Variants in ATP13A3 observed in about 807,000 individuals in gnomAD.
ATP13A3 encodes the protein polyamine-transporting ATPase 13A3.
ATP13A3 carries 59 observed loss-of-function variants against 158.1 expected under a neutral mutation model. That is an observed-to-expected ratio of 0.37 (90% confidence interval 0.30 to 0.46). The LOEUF (loss-of-function observed/expected upper bound fraction) is 0.46, where lower values mean the gene tolerates loss of function less well. Ranked by LOEUF, ATP13A3 falls within the 20% of genes least tolerant of loss-of-function variation. The pLI is 1.00. For synonymous variants in ATP13A3, 491 were observed against 504.3 expected, an observed-to-expected ratio of 0.97 and a Z score of 0.35; for missense variants, 1,166 against 1,525.2, an observed-to-expected ratio of 0.76 and a Z score of 3.92.
At chr3:194,417,767 C>T (rs895813521) in intron 31 of ATP13A3, among the ~76,000 whole-genome samples, 4 of 151,784 alleles carry the variant, frequency 2.6e-5, no homozygotes, top group African/African-American at 9.7e-5. Flanking sequence ...AGTGAAACCC[C>T]ATTACAAACC....
At chr3:194,414,742 G>T (rs1010923727) in intron 31 of ATP13A3, among the ~76,000 whole-genome samples, 3 of 152,148 alleles carry the variant, frequency 2.0e-5, no homozygotes, top group South Asian at 4.1e-4. Flanking sequence ...GCACACTTCT[G>T]ACTTGAATAA....
intron 28 of ATP13A3, among the ~76,000 whole-genome samples, chr3:194,428,231 AAAAAAAG>A (rs1553797766): frequency 1.3e-4 from 18 of 141,818 alleles, no homozygotes; most frequent in African/African-American, 4.8e-4. Context: ...AAAAAAAAAA[AAAAAAAG>A]AAAAAAAGAA....
chr3:194,473,986 C>A (rs1418556811), intron 2 of ATP13A3, among the ~76,000 whole-genome samples: 1 of 152,104 alleles, frequency 6.6e-6, no homozygotes, highest in African/African-American at 2.4e-5. Flanking sequence ...AAGATACACA[C>A]CAAACTGTTA....
intron 20 of ATP13A3, among the ~76,000 whole-genome samples, chr3:194,436,544 T>C (rs1178409185): frequency 2.6e-5 from 4 of 152,222 alleles, no homozygotes; most frequent in African/African-American, 9.6e-5. Flanking sequence ...ATTAACAAAT[T>C]GAAAACAGTT....
At chr3:194,436,998 A>G (rs1717690517) in intron 20 of ATP13A3, 97 bp downstream of exon 20, 5 of 1,371,668 alleles carry the variant, frequency 3.6e-6, no homozygotes, top group African/African-American at 1.5e-5. Flanking sequence ...CTTTTCATAC[A>G]TTCAATAAAT....
chr3:194,462,200 GGATT>G lies in ATP13A3; in HGVS notation c.-14_-11del, dbSNP rs747456727. 6.2e-7 allele frequency: 1 copy of G among 1,612,960 alleles called. No homozygotes were observed. The highest frequency in any genetic ancestry group is 1.1e-5 in the South Asian group (1 of 91,036). On this transcript the variant is annotated 5_prime_UTR_variant, in exon 3 of 34. Transcript: ENST00000645319. ...TTTCTTCCCTGTCCATACCTACAGT[GGATT>G]AAAGGTCCAGTGCTTCAAACAATGG...
intron 2 of ATP13A3, among the ~76,000 whole-genome samples, chr3:194,475,589 A>G (rs1720491729): frequency 6.6e-6 from 1 of 152,202 alleles, no homozygotes; most frequent in South Asian, 2.1e-4. Flanking sequence ...TACTTCAAAA[A>G]TACAGTAATA....
intron 16 of ATP13A3, among the ~76,000 whole-genome samples, chr3:194,440,812 TAAC>T (rs527429614): frequency 3.8e-4 from 58 of 152,144 alleles, no homozygotes; most frequent in Admixed American, 1.1e-3. Context: ...TGTAAAATGA[TAAC>T]AACCAGAGAA....
intron 30 of ATP13A3, among the ~76,000 whole-genome samples, chr3:194,424,719 T>G (rs1016210086): frequency 3.9e-5 from 6 of 152,204 alleles, no homozygotes; most frequent in Non-Finnish European, 8.8e-5. Flanking sequence ...CCATAAACTC[T>G]AATTTTGATC....
rs1037285762 is a variant in ATP13A3, at chr3:194,486,033, G to A, written c.-88-198C>T. ...AATGGAGAGACAGAAAGGCCATAGC[G>A]AGAGTGGCCACGAGAGCACTGCTAG... is the stretch of plus-strand genomic sequence containing the variant. On this transcript the variant is annotated intron_variant, in intron 1 of 33. Coordinates refer to ENST00000645319, the MANE Select transcript of ATP13A3 (RefSeq NM_001367549.1). Among the ~76,000 whole-genome samples, 3 of 152,138 alleles carry A rather than the reference G, an allele frequency of 2.0e-5. No individual in the cohort carries two copies. In the South Asian group the frequency reaches 6.2e-4, roughly 32 times the overall value.
intron 14 of ATP13A3, among the ~76,000 whole-genome samples, chr3:194,446,211 G>C (rs956947298): frequency 6.6e-6 from 1 of 152,116 alleles, no homozygotes; most frequent in African/African-American, 2.4e-5. Context: ...TGTTTTGTCC[G>C]TCTTTTTTTA....
intron 2 of ATP13A3, among the ~76,000 whole-genome samples, chr3:194,481,625 A>T (rs567322125): frequency 6.6e-6 from 1 of 151,474 alleles, no homozygotes; most frequent in African/African-American, 2.4e-5. Flanking sequence ...CTCCTTTGTG[A>T]AAAAAAAATA....
chr3:194,481,852 A>T (rs1258718988), intron 2 of ATP13A3, among the ~76,000 whole-genome samples: 1 of 152,202 alleles, frequency 6.6e-6, no homozygotes, highest in African/African-American at 2.4e-5. Flanking sequence ...TAAAACCAAG[A>T]TCCACAGGGA....
chr3:194,419,782 A>G (rs1716156858), intron 31 of ATP13A3, 97 bp downstream of exon 31: 2 of 1,490,354 alleles, frequency 1.3e-6, no homozygotes, highest in Non-Finnish European at 1.8e-6. Flanking sequence ...TTAATATAAC[A>G]GCATCTTAGA....
At chr3:194,469,370 G>A (rs1337538810) in intron 2 of ATP13A3, among the ~76,000 whole-genome samples, 1 of 151,942 alleles carries the variant, frequency 6.6e-6, no homozygotes, top group Non-Finnish European at 1.5e-5. Context: ...TGAGGCAGGA[G>A]AATTGCTTGA....
rs1553796302 is a variant in ATP13A3 at position 194,421,114 on chromosome 3, G to GTATATATATA, written c.3314-1157_3314-1148dup. Among the ~76,000 whole-genome samples, 15 of 8,110 alleles carry GTATATATATA rather than the reference G, an allele frequency of 1.8e-3. 2 individuals are homozygous for GTATATATATA. The highest frequency in any genetic ancestry group is 7.5e-3 in the African/African-American group (13 of 1,744). 5.3% of individuals were successfully genotyped at this position (8,110 alleles called of 152,430 possible). ...GTTTATATATACCAGTGTGTAGGGTGTATATATATATATATATATATAGTA... is the reference window on the plus strand; with the variant it reads ...GTTTATATATACCAGTGTGTAGGGTGTATATATATATATATATATATATATATATATAGTA... On this transcript the variant is annotated intron_variant, in intron 30 of 33. Transcript: ENST00000645319.
At chr3:194,451,414 G>T (rs1718797188) in intron 10 of ATP13A3, 1 of 152,130 alleles carries the variant, frequency 6.6e-6, no homozygotes, top group Non-Finnish European at 1.5e-5. Context: ...AGAAAACAAG[G>T]TATCAATGAC....
In ATP13A3 at chr3:194,431,116, G is replaced by T. The variant is rs750561001; in HGVS notation, c.2532C>A (p.Asp844Glu). ...CCAAATTACTTACCTTAGGAACAAG[G>T]TCTTGAAAATGCTCCAGTATCACTG... ...SFSVILEHFQ[D>E]LVPKLMLHGT... Residue 844 changes from aspartate to glutamate, a missense_variant, in exon 23 of 34, where the codon GAC (aspartate) becomes GAA (glutamate). This residue lies in a region of ATP13A3 where 997 missense variants were observed against 1,341.2 expected (regional missense o/e 0.74). Transcript: ENST00000645319. 1.6e-5 allele frequency: 26 copies of T among 1,613,818 alleles called. No homozygotes were observed. The South Asian group carries it at 2.7e-4, about 17-fold the overall frequency.
intron 31 of ATP13A3, among the ~76,000 whole-genome samples, chr3:194,416,637 A>G (rs1715876494): frequency 6.6e-6 from 1 of 152,210 alleles, no homozygotes; most frequent in African/African-American, 2.4e-5. Context: ...GGATATCACT[A>G]TCACTATAAC....
Sources: allele counts gnomAD v4.1 joint callset (sites outside exome capture counted in the v4.1 genomes callset), GRCh38; gene constraint gnomAD v4.1.1; regional missense constraint gnomAD v4.1.1; transcripts MANE v1.5; gene names NCBI Gene and HGNC (gene_info 2026-07-23, HGNC 2026-07-21).